C12orf56: variants seen among roughly 807,000 people sequenced by gnomAD.
The protein encoded by C12orf56 is chromosome 12 open reading frame 56, also known as uncharacterized protein C12orf56.
Under a neutral mutation model 69.9 loss-of-function variants are expected in C12orf56, and 71 were observed. That is an observed-to-expected ratio of 1.02 (90% CI 0.84 to 1.24). The LOEUF (loss-of-function observed/expected upper bound fraction) is 1.24, where lower values mean the gene tolerates loss of function less well. C12orf56 is among the 50% of genes most tolerant of loss of function. The pLI is 0.00. For synonymous variants in C12orf56, 276 were observed against 274.1 expected (o/e 1.01, Z -0.07); for missense variants, 732 against 738.5 (o/e 0.99, Z 0.10).
At chr12:64,280,907 CTG>C (rs1385457323) in intron 8 of C12orf56, among the ~76,000 whole-genome samples, 3 of 152,194 alleles carry the variant, frequency 2.0e-5, no homozygotes, top group Admixed American at 2.0e-4. Flanking sequence ...TCCACTGACA[CTG>C]TGAGATAAGA....
intron 7 of C12orf56, among the ~76,000 whole-genome samples, chr12:64,285,361 TAA>T (rs932241262): frequency 1.3e-5 from 2 of 152,114 alleles, no homozygotes; most frequent in African/African-American, 4.8e-5. Context: ...ATGTCAATGG[TAA>T]AAAAGAGAAT....
At chr12:64,336,710 T>C (rs188312263) in intron 2 of C12orf56, among the ~76,000 whole-genome samples, 8 of 152,274 alleles carry the variant, frequency 5.3e-5, no homozygotes, top group African/African-American at 1.4e-4. Flanking sequence ...TTCTCACACA[T>C]TGTAGCTCTG....
chr12:64,366,341 A>G (rs1478165192), intron 1 of C12orf56, among the ~76,000 whole-genome samples: 2 of 89,588 alleles, frequency 2.2e-5, no homozygotes, highest in Admixed American at 1.6e-4. Context: ...TATACAGTTT[A>G]TATATTATAT....
At chr12:64,362,560 T>G (rs2039412939) in intron 1 of C12orf56, among the ~76,000 whole-genome samples, 1 of 152,028 alleles carries the variant, frequency 6.6e-6, no homozygotes, top group South Asian at 2.1e-4. Context: ...GGCATGGTTT[T>G]GGGTGCCTGT....
At chr12:64,280,116 C>T (rs74097991) in intron 8 of C12orf56, among the ~76,000 whole-genome samples, 2,871 of 152,128 alleles carry the variant, frequency 0.019, 92 homozygotes, top group African/African-American at 0.065. Context: ...CTCATGAAAA[C>T]AATAAAGAGG....
At chr12:64,274,118 C>T (rs1237283598) in intron 11 of C12orf56, among the ~76,000 whole-genome samples, 1 of 152,174 alleles carries the variant, frequency 6.6e-6, no homozygotes, top group Non-Finnish European at 1.5e-5. Context: ...TCCACTGCCA[C>T]ACCCCAGGAA....
At chr12:64,328,549 G>C (rs1045262124) in intron 3 of C12orf56, among the ~76,000 whole-genome samples, 2 of 151,036 alleles carry the variant, frequency 1.3e-5, no homozygotes, top group African/African-American at 4.9e-5. Context: ...ACATGGTGGC[G>C]GGCGCCTGTA....
At chr12:64,352,773 C>T (rs555318783) in intron 2 of C12orf56, 121 bp downstream of exon 2, 93 of 858,954 alleles carry the variant, frequency 1.1e-4, no homozygotes, top group African/African-American at 8.2e-4. Context: ...TTCCTGGCTG[C>T]GTGATAGGAA....
At position 64,339,456 on chromosome 12, in the gene C12orf56, C is replaced by T. The variant is rs143683139; in HGVS notation, c.416-8424G>A. 1.1e-3 allele frequency among the ~76,000 whole-genome samples: 173 copies of T among 152,236 alleles called. 1 individual carries two copies. The East Asian group carries it at 0.024, about 21-fold the overall frequency. On this transcript the variant is annotated intron_variant, in intron 2 of 12. Coordinates refer to ENST00000543942, the MANE Select transcript of C12orf56 (RefSeq NM_001170633.2). ...AGGGTATCAGGGGAGGGGTGCAAAG[C>T]CTCCATGCCCTCTCCTGGTGCACCA... is the stretch of plus-strand genomic sequence containing the variant.
chr12:64,352,853 T>C (rs1261774709), intron 2 of C12orf56, 41 bp downstream of exon 2: 4 of 1,518,590 alleles, frequency 2.6e-6, no homozygotes, highest in Non-Finnish European at 3.5e-6. Context: ...TATATACTTT[T>C]TTTTTTGCCT....
intron 6 of C12orf56, among the ~76,000 whole-genome samples, chr12:64,286,584 C>A (rs1394427472): frequency 6.6e-6 from 1 of 152,150 alleles, no homozygotes; most frequent in African/African-American, 2.4e-5. Flanking sequence ...CCATTTCTGT[C>A]AAAATAAACA....
intron 1 of C12orf56, among the ~76,000 whole-genome samples, chr12:64,378,783 G>T (rs926117423): frequency 5.3e-5 from 8 of 151,932 alleles, no homozygotes; most frequent in African/African-American, 1.9e-4. Context: ...GGGCATGGTG[G>T]CTCACGCCTG....
chr12:64,347,748 G>A (rs1047756565), intron 2 of C12orf56, among the ~76,000 whole-genome samples: 1 of 152,162 alleles, frequency 6.6e-6, no homozygotes, highest in Non-Finnish European at 1.5e-5. Flanking sequence ...TTAAAGGGAA[G>A]ACAAAAGCTG....
intron 2 of C12orf56, among the ~76,000 whole-genome samples, chr12:64,331,258 T>G (rs2038927218): frequency 1.3e-5 from 2 of 152,240 alleles, no homozygotes; most frequent in East Asian, 3.9e-4. Flanking sequence ...CCCAACATTT[T>G]AGAAGGCTGA....
Position 64,270,455 on chromosome 12 carries a change from A to G in C12orf56, c.1763+81T>C, listed in dbSNP as rs369495786. Reference sequence around the variant, plus strand: ...CTGATAAATACCTAATCTTCTAAATATTGGACCATGTTGCAGGTTTGCATG... The same window carrying G: ...CTGATAAATACCTAATCTTCTAAATGTTGGACCATGTTGCAGGTTTGCATG... On this transcript the variant is annotated intron_variant, in intron 12 of 12. Transcript: ENST00000543942. The G allele has an allele frequency of 1.3e-5, 15 of 1,158,540 alleles. No individual in the cohort carries two copies. In the Middle Eastern group the frequency reaches 2.5e-3, roughly 195 times the overall value. 71.8% of individuals were successfully genotyped at this position (1,158,540 alleles called of 1,614,324 possible). A position where few individuals can be genotyped will look rare whatever the true frequency, so the allele number is the denominator to read the frequency against.
chr12:64,326,323 C>A (rs1220113994), intron 3 of C12orf56, among the ~76,000 whole-genome samples: 2 of 152,208 alleles, frequency 1.3e-5, no homozygotes, highest in African/African-American at 4.8e-5. Flanking sequence ...CTCAGTAAAG[C>A]TGTTACAACA....
At chr12:64,384,444 T>C (rs1565784966) in intron 1 of C12orf56, among the ~76,000 whole-genome samples, 1 of 152,196 alleles carries the variant, frequency 6.6e-6, no homozygotes, top group Non-Finnish European at 1.5e-5. Context: ...GTAGTAGGTG[T>C]TCAATAATGT....
intron 5 of C12orf56, among the ~76,000 whole-genome samples, chr12:64,307,300 T>C (rs2038526157): frequency 6.6e-6 from 1 of 151,936 alleles, no homozygotes; most frequent in African/African-American, 2.4e-5. Flanking sequence ...AATGAATACT[T>C]TCTTACAAAA....
intron 1 of C12orf56, among the ~76,000 whole-genome samples, chr12:64,389,669 G>A (rs1036031832): frequency 6.6e-6 from 1 of 152,054 alleles, no homozygotes; most frequent in East Asian, 1.9e-4. Flanking sequence ...GGTAATTTTT[G>A]TACTTTTGGT....
Sources: allele counts gnomAD v4.1 joint callset (sites outside exome capture counted in the v4.1 genomes callset), GRCh38; gene constraint gnomAD v4.1.1; transcripts MANE v1.5; gene names NCBI Gene and HGNC (gene_info 2026-07-23, HGNC 2026-07-21).